The following OCA2 variants were observed in gnomAD, a reference collection of about 807,000 sequenced individuals.
OCA2 encodes P protein.
OCA2 carries 77 observed loss-of-function variants against 100.2 expected under a neutral mutation model. The observed-to-expected ratio is 0.77, with a 90% CI of 0.64 to 0.93. The LOEUF (loss-of-function observed/expected upper bound fraction) is 0.93. Ranked by LOEUF, OCA2 falls within the 40% of genes least tolerant of loss-of-function variation. The pLI is 0.00. For synonymous variants in OCA2, 432 were observed against 439.2 expected (o/e 0.98, Z 0.21); for missense variants, 1,062 against 1,089.1 (o/e 0.98, Z 0.35).
intron 2 of OCA2, among the ~76,000 whole-genome samples, chr15:28,077,830 C>T (rs2044480877): frequency 1.3e-5 from 2 of 152,070 alleles, no homozygotes. Context: ...GCCTATAATC[C>T]CAGCACTTTC....
intron 23 of OCA2, among the ~76,000 whole-genome samples, chr15:27,769,073 G>T (rs577298704): frequency 6.6e-6 from 1 of 152,292 alleles, no homozygotes; most frequent in East Asian, 1.9e-4. Flanking sequence ...TTTCCCAGAA[G>T]ATCCATTTGT....
chr15:27,773,790 A>G (rs2032028620), intron 23 of OCA2, among the ~76,000 whole-genome samples: 2 of 152,228 alleles, frequency 1.3e-5, no homozygotes, highest in Admixed American at 1.3e-4. Flanking sequence ...GATCACAGCC[A>G]TTTCCTCTCA....
intron 1 of OCA2, among the ~76,000 whole-genome samples, chr15:28,082,956 G>C (rs924662522): frequency 1.3e-5 from 2 of 152,094 alleles, no homozygotes; most frequent in Non-Finnish European, 2.9e-5. Flanking sequence ...TCAAGCAGCC[G>C]ACAGCACCAG....
At chr15:27,959,518 T>C (rs1023727509) in intron 15 of OCA2, among the ~76,000 whole-genome samples, 5 of 152,226 alleles carry the variant, frequency 3.3e-5, no homozygotes, top group Admixed American at 6.5e-5. Flanking sequence ...GTCCATAAAG[T>C]ACCAGAGACT....
intron 4 of OCA2, 139 bp downstream of exon 4, chr15:28,027,732 G>T: frequency 2.3e-6 from 2 of 872,336 alleles, no homozygotes; most frequent in Non-Finnish European, 3.6e-6. Flanking sequence ...AAATCACCTT[G>T]GAGGAAAAGT....
intron 2 of OCA2, among the ~76,000 whole-genome samples, chr15:28,079,976 C>T (rs1421525600): frequency 1.3e-5 from 2 of 152,176 alleles, no homozygotes; most frequent in Non-Finnish European, 2.9e-5. Context: ...CACCATACAT[C>T]GAAGCAAGAA....
the OCA2 span, among the ~76,000 whole-genome samples, chr15:27,732,957 AG>A: frequency 6.6e-6 from 1 of 152,236 alleles, no homozygotes; most frequent in Non-Finnish European, 1.5e-5. Flanking sequence ...TGTCCATTAC[AG>A]AAAATTGCGG....
At chr15:27,768,554 C>T (rs183769740) in intron 23 of OCA2, among the ~76,000 whole-genome samples, 1 of 152,160 alleles carries the variant, frequency 6.6e-6, no homozygotes, top group Non-Finnish European at 1.5e-5. Context: ...AGTGCCAGTT[C>T]TTTTTTCCTT....
At chr15:27,995,369 G>T (rs1046489183) in intron 9 of OCA2, among the ~76,000 whole-genome samples, 7 of 152,100 alleles carry the variant, frequency 4.6e-5, no homozygotes, top group Admixed American at 4.6e-4. Context: ...TCACAAACAA[G>T]TCTTAACAAA....
intron 11 of OCA2, among the ~76,000 whole-genome samples, chr15:27,989,045 G>A (rs730501): frequency 0.05 from 7,593 of 152,284 alleles, 260 homozygotes; most frequent in South Asian, 0.14. Context: ...TGAGGAACAC[G>A]TGGACTGCCC....
chr15:27,817,085 C>T (rs902076373), intron 23 of OCA2, among the ~76,000 whole-genome samples: 4 of 152,176 alleles, frequency 2.6e-5, no homozygotes, highest in Admixed American at 6.5e-5. Flanking sequence ...CTAGGCTCTG[C>T]GCTCCTGGCA....
At chr15:28,094,748 G>A (rs1211411375) in intron 1 of OCA2, among the ~76,000 whole-genome samples, 1 of 152,108 alleles carries the variant, frequency 6.6e-6, no homozygotes, top group Non-Finnish European at 1.5e-5. Context: ...TGCCGCCCCT[G>A]CTGCCAGCAC....
intron 23 of OCA2, among the ~76,000 whole-genome samples, chr15:27,826,262 G>C (rs1216587465): frequency 1.3e-5 from 2 of 152,180 alleles, no homozygotes; most frequent in Admixed American, 1.3e-4. Context: ...CTAAATGAAA[G>C]TTACTGCATT....
intron 3 of OCA2, among the ~76,000 whole-genome samples, chr15:28,029,275 T>C (rs901953809): frequency 4.6e-5 from 7 of 152,192 alleles, no homozygotes; most frequent in Non-Finnish European, 7.3e-5. Context: ...GTATAACCAA[T>C]GTGTAACAAG....
chr15:27,721,344 G>C, the OCA2 span, among the ~76,000 whole-genome samples: 2 of 152,150 alleles, frequency 1.3e-5, no homozygotes, highest in South Asian at 2.1e-4. Context: ...TTTCAACCTG[G>C]GTGACAGAGT....
the OCA2 span, among the ~76,000 whole-genome samples, chr15:27,735,738 A>C: frequency 1.7e-3 from 248 of 142,072 alleles, 1 homozygote; most frequent in Non-Finnish European, 1.3e-3. Context: ...AAAACAAAAC[A>C]AAAAAACAAA....
intron 14 of OCA2, among the ~76,000 whole-genome samples, chr15:27,981,648 A>G (rs2041164253): frequency 6.6e-6 from 1 of 152,186 alleles, no homozygotes; most frequent in African/African-American, 2.4e-5. Context: ...CAGAACAGAT[A>G]TCATTACTAT....
chr15:27,947,229 C>A (rs1027758576), intron 18 of OCA2, among the ~76,000 whole-genome samples: 8 of 152,220 alleles, frequency 5.3e-5, no homozygotes, highest in African/African-American at 1.7e-4. Flanking sequence ...CAGCAAAACT[C>A]AAGAGGCCCA....
intron 21 of OCA2, among the ~76,000 whole-genome samples, chr15:27,859,467 C>G (rs1031809961): frequency 6.6e-6 from 1 of 152,000 alleles, no homozygotes; most frequent in Non-Finnish European, 1.5e-5. Context: ...CCAAAACTGA[C>G]TCATGAAAAA....
Sources: allele counts gnomAD v4.1 joint callset (sites outside exome capture counted in the v4.1 genomes callset), GRCh38; gene constraint gnomAD v4.1.1; transcripts MANE v1.5; gene names NCBI Gene and HGNC (gene_info 2026-07-23, HGNC 2026-07-21).